The following BRD4 variants were observed in gnomAD, a reference collection of about 807,000 sequenced individuals.
BRD4 encodes the protein bromodomain-containing protein 4.
Under a neutral mutation model 142.1 loss-of-function variants are expected in BRD4, and 16 were observed. The observed-to-expected ratio is 0.11, with a 90% CI of 0.08 to 0.17. The LOEUF is 0.17. Among genes scored for constraint, BRD4 ranks in the 10% least tolerant of loss-of-function variants. The pLI, the probability that BRD4 is intolerant of heterozygous loss-of-function variation, is 1.00. For synonymous variants in BRD4, 833 were observed against 707.5 expected, an observed-to-expected ratio of 1.18 and a Z score of -2.82; for missense variants, 1,424 against 1,810.9, an observed-to-expected ratio of 0.79 and a Z score of 3.88.
At chr19:15,323,740 AG>A (rs1840746856) in intron 1 of BRD4, among the ~76,000 whole-genome samples, 1 of 152,182 alleles carries the variant, frequency 6.6e-6, no homozygotes, top group South Asian at 2.1e-4. Context: ...AACAGCAGCT[AG>A]GAACAAATAA....
At chr19:15,262,542 AG>A (rs141747423) in intron 7 of BRD4, among the ~76,000 whole-genome samples, 24 of 140,000 alleles carry the variant, frequency 1.7e-4, no homozygotes, top group African/African-American at 5.3e-4. Context: ...AAAAAAAAAA[AG>A]AAAAAAAAAA....
intron 1 of BRD4, among the ~76,000 whole-genome samples, chr19:15,292,221 G>C (rs1002897579): frequency 1.3e-5 from 2 of 152,108 alleles, no homozygotes; most frequent in African/African-American, 4.8e-5. Context: ...TCTGTATCCT[G>C]GAATTCTCAG....
intron 1 of BRD4, among the ~76,000 whole-genome samples, chr19:15,287,146 A>C (rs564811142): frequency 1.3e-5 from 2 of 152,252 alleles, no homozygotes; most frequent in Non-Finnish European, 2.9e-5. Flanking sequence ...AATGGGGGAA[A>C]CATATGGGAA....
intron 1 of BRD4, among the ~76,000 whole-genome samples, chr19:15,322,993 T>C (rs908023410): frequency 5.9e-5 from 9 of 151,416 alleles, no homozygotes; most frequent in Admixed American, 2.0e-4. Context: ...GAGCTTTCAG[T>C]GAGCTGAAAT....
intron 7 of BRD4, among the ~76,000 whole-genome samples, chr19:15,261,527 T>A (rs1028767170): frequency 5.9e-5 from 9 of 151,898 alleles, no homozygotes; most frequent in African/African-American, 2.2e-4. Context: ...AAGCCTGAAC[T>A]CCTTCAAGGA....
At position 15,243,404 on chromosome 19, in the gene BRD4, C is replaced by T; in HGVS notation, c.2665G>A (p.Ala889Thr). ...GTTTGGGTCAAGGCTGGTGACACGG[C>T]TGGGGGCCGGGCGGGCTTGGGAGGC... ...ALPPKPARPPAVSPALTQTPL... is the reference protein window; with the variant it reads ...ALPPKPARPPTVSPALTQTPL... Residue 889 changes from alanine to threonine, a missense_variant, in exon 14 of 20, where the codon GCC becomes ACC. Coordinates refer to ENST00000679869, the MANE Select transcript of BRD4 (RefSeq NM_001379291.1). 2 of 1,529,964 alleles carry T rather than the reference C, an allele frequency of 1.3e-6. No individual in the cohort carries two copies. The highest frequency in any genetic ancestry group is 2.4e-5 in the East Asian group (1 of 41,318). The allele number at this position is 1,529,964 out of a possible 1,614,324, so 94.8% of individuals were successfully genotyped here. A position where few individuals can be genotyped will look rare whatever the true frequency, so the allele number is the denominator to read the frequency against.
intron 1 of BRD4, among the ~76,000 whole-genome samples, chr19:15,298,354 T>C (rs375432409): frequency 1.2e-3 from 181 of 152,238 alleles, no homozygotes; most frequent in African/African-American, 4.3e-3. Flanking sequence ...AAGCTTGTGG[T>C]TGGCCGGGCA....
intron 7 of BRD4, among the ~76,000 whole-genome samples, chr19:15,258,641 TG>T (rs1208237480): frequency 1.3e-5 from 2 of 152,132 alleles, no homozygotes; most frequent in African/African-American, 4.8e-5. Context: ...GGCCTTGCTC[TG>T]TTGCCCAGGG....
chr19:15,256,943 T>A (rs2047415703), intron 8 of BRD4, 21 bp downstream of exon 8: 1 of 1,541,830 alleles, frequency 6.5e-7, no homozygotes, highest in Admixed American at 2.0e-5. Context: ...GGATTAAGAA[T>A]GGAGCCACCA....
At chr19:15,254,470 T>A (rs1252703868) in intron 10 of BRD4, among the ~76,000 whole-genome samples, 2 of 152,188 alleles carry the variant, frequency 1.3e-5, no homozygotes, top group Non-Finnish European at 2.9e-5. Context: ...CAATGGAATT[T>A]CAAGGTTCCT....
At chr19:15,293,319 C>T (rs1395697414) in intron 1 of BRD4, among the ~76,000 whole-genome samples, 3 of 152,048 alleles carry the variant, frequency 2.0e-5, no homozygotes, top group Non-Finnish European at 4.4e-5. Context: ...ACTGGGTAGA[C>T]CCAGCAGGGT....
chr19:15,298,242 C>T (rs1261667719), intron 1 of BRD4, among the ~76,000 whole-genome samples: 1 of 152,222 alleles, frequency 6.6e-6, no homozygotes, highest in African/African-American at 2.4e-5. Flanking sequence ...GAATATTTGG[C>T]CTGTTTTTGC....
At chr19:15,320,788 CACACATCCTTA>C (rs1017819403) in intron 1 of BRD4, among the ~76,000 whole-genome samples, 1 of 152,230 alleles carries the variant, frequency 6.6e-6, no homozygotes, top group African/African-American at 2.4e-5. Flanking sequence ...ATTTGGGATA[CACACATCCTTA>C]ACTATCTTCA....
At position 15,236,938 on chromosome 19, in the gene BRD4, C is replaced by T. The variant is rs1291384781; in HGVS notation, c.*1439G>A. On this transcript the variant is annotated 3_prime_UTR_variant, in exon 20 of 20. Coordinates refer to ENST00000679869, the MANE Select transcript of BRD4 (RefSeq NM_001379291.1). The stretch of plus-strand genomic sequence containing the variant: ...GTCAGTGACTCCAGAGTTTGGCCAA[C>T]ACTGAGGCACCAGCGTCGTGGTGTA... The T allele has an allele frequency of 4.9e-6, 1 of 205,052 alleles. No homozygotes were observed. Among genetic ancestry groups the T allele is most frequent in the Non-Finnish European group, 9.9e-6 (1 of 100,870 alleles). 12.7% of individuals were successfully genotyped at this position (205,052 alleles called of 1,614,324 possible).
At chr19:15,257,261 C>T in intron 7 of BRD4, 88 bp from the exon 8 acceptor site, 1 of 1,308,272 alleles carries the variant, frequency 7.6e-7, no homozygotes, top group Non-Finnish European at 1.0e-6. Context: ...CTGGGGCCAA[C>T]TCAACAGAAA....
Position 15,244,810 on chromosome 19 carries a change from T to C in BRD4, c.2159-48A>G, listed in dbSNP as rs766241223. 21 of 1,612,694 alleles carry C rather than the reference T, an allele frequency of 1.3e-5. No homozygotes were observed. In the African/African-American group the frequency reaches 1.7e-4, roughly 13 times the overall value. ...GTGAGGCTCTGGGGGAGAAGGTGAG[T>C]GAGCTGGCCTTGGATGAAGAAAGAC... On this transcript the variant is annotated intron_variant, in intron 11 of 19. Coordinates refer to ENST00000679869, the MANE Select transcript of BRD4 (RefSeq NM_001379291.1).
chr19:15,247,548 A>G, intron 11 of BRD4: 1 of 233,102 alleles, frequency 4.3e-6, no homozygotes, highest in Admixed American at 5.6e-5. Flanking sequence ...GCTATGGCCC[A>G]TGTGCACACG....
Position 15,319,521 on chromosome 19 carries a change from G to C in BRD4, c.-35+12769C>G, listed in dbSNP as rs945133425. ...TGCAGCTACTCAGCAGGCTGAGGTG[G>C]GAGGATCACTTAAACCTGGGAGGTC... On this transcript the variant is annotated intron_variant, in intron 1 of 19. Transcript: ENST00000679869. 3.9e-5 allele frequency among the ~76,000 whole-genome samples: 6 copies of C among 152,090 alleles called. No individual in the cohort carries two copies. The South Asian group carries it at 8.3e-4, about 21-fold the overall frequency.
intron 1 of BRD4, among the ~76,000 whole-genome samples, chr19:15,299,803 G>A (rs550615760): frequency 2.6e-5 from 4 of 152,286 alleles, no homozygotes; most frequent in Middle Eastern, 3.4e-3. Context: ...GTGTCCTTAC[G>A]GCAAGTGGCC....
Sources: allele counts gnomAD v4.1 joint callset (sites outside exome capture counted in the v4.1 genomes callset), GRCh38; gene constraint gnomAD v4.1.1; transcripts MANE v1.5; gene names NCBI Gene and HGNC (gene_info 2026-07-23, HGNC 2026-07-21).